Variants in GABRB1 observed in about 807,000 individuals in gnomAD.
GABRB1 encodes the protein gamma-aminobutyric acid receptor subunit beta-1.
A neutral mutation model predicts 51.6 loss-of-function variants in GABRB1; 17 were observed. The ratio of observed to expected loss-of-function variants is 0.33; its 90% CI spans 0.23 to 0.49. The LOEUF (loss-of-function observed/expected upper bound fraction) is 0.49, where lower values mean the gene tolerates loss of function less well. Ranked by LOEUF, GABRB1 falls within the 20% of genes least tolerant of loss-of-function variation. GABRB1 has a pLI of 0.99. For synonymous variants in GABRB1, 247 were observed against 218.9 expected (o/e 1.13, Z -1.14); for missense variants, 410 against 600.6 (o/e 0.68, Z 3.32).
chr4:47,026,188 G>A (rs192485289), intron 1 of GABRB1, among the ~76,000 whole-genome samples: 3 of 151,982 alleles, frequency 2.0e-5, no homozygotes, highest in Admixed American at 2.0e-4. Flanking sequence ...TCCTTTTCAC[G>A]TTTCTAGCAT....
intron 8 of GABRB1, among the ~76,000 whole-genome samples, 163 bp from the exon 9 acceptor site, chr4:47,425,511 T>TAGAC (rs1190685376): frequency 9.9e-5 from 15 of 151,206 alleles, no homozygotes; most frequent in South Asian, 4.2e-4. Context: ...GATAGATAGA[T>TAGAC]AGATAGATCG....
intron 4 of GABRB1, among the ~76,000 whole-genome samples, chr4:47,292,789 G>A (rs763448767): frequency 2.6e-5 from 4 of 152,218 alleles, no homozygotes; most frequent in African/African-American, 4.8e-5. Context: ...ACAGGTAAAG[G>A]TGAAAGGACA....
chr4:47,069,939 G>A (rs1727248448), intron 3 of GABRB1, among the ~76,000 whole-genome samples: 1 of 151,860 alleles, frequency 6.6e-6, no homozygotes, highest in African/African-American at 2.4e-5. Flanking sequence ...GATCAATAAA[G>A]ACCCCCATGT....
intron 3 of GABRB1, among the ~76,000 whole-genome samples, chr4:47,100,805 A>G (rs1363279762): frequency 6.6e-6 from 1 of 152,018 alleles, no homozygotes; most frequent in Non-Finnish European, 1.5e-5. Flanking sequence ...TATGAGTATC[A>G]AAGAAGGAAC....
chr4:47,316,682 G>C (rs1309879951), intron 4 of GABRB1, among the ~76,000 whole-genome samples: 1 of 151,842 alleles, frequency 6.6e-6, no homozygotes, highest in Non-Finnish European at 1.5e-5. Context: ...ACAATTTATG[G>C]GTGTTCCTAA....
intron 4 of GABRB1, among the ~76,000 whole-genome samples, chr4:47,299,578 AGT>A (rs1724162077): frequency 6.6e-6 from 1 of 152,314 alleles, no homozygotes; most frequent in South Asian, 2.1e-4. Flanking sequence ...ATCATTCAAA[AGT>A]CAGGAAACAA....
In GABRB1 at chr4:47,168,214, GT is replaced by G. The variant is rs535715378; in HGVS notation, c.461+6746del. ...TTAATGCTCACCTATATTGTCGTAT[GT>G]CATCTTTACTGCAACACTATGAGCT... On this transcript the variant is annotated intron_variant, in intron 4 of 8. Transcript: ENST00000295454. Among the ~76,000 whole-genome samples the G allele has an allele frequency of 5.3e-4, 81 of 152,226 alleles. No homozygotes were observed. In the Middle Eastern group the frequency reaches 0.01, roughly 19 times the overall value.
At chr4:47,017,355 G>A (rs1162258861) in intron 1 of GABRB1, among the ~76,000 whole-genome samples, 1 of 152,104 alleles carries the variant, frequency 6.6e-6, no homozygotes, top group Non-Finnish European at 1.5e-5. Context: ...GCTGATGGTC[G>A]CATTACTCAC....
intron 5 of GABRB1, among the ~76,000 whole-genome samples, chr4:47,377,854 G>A (rs1247403828): frequency 6.6e-6 from 1 of 152,166 alleles, no homozygotes; most frequent in Non-Finnish European, 1.5e-5. Flanking sequence ...TAGACACAGG[G>A]TGCTGATTGG....
intron 5 of GABRB1, among the ~76,000 whole-genome samples, chr4:47,393,854 C>T (rs532379852): frequency 3.9e-5 from 6 of 152,326 alleles, no homozygotes; most frequent in Admixed American, 1.3e-4. Context: ...CACTGCATAT[C>T]CTTCATGCCT....
chr4:47,341,073 C>G (rs544489021), intron 5 of GABRB1, among the ~76,000 whole-genome samples: 1 of 152,228 alleles, frequency 6.6e-6, no homozygotes, highest in East Asian at 1.9e-4. Context: ...GTGCAGTGAA[C>G]AAAACAGAGA....
chr4:47,247,837 A>G (rs1721825889), intron 4 of GABRB1, among the ~76,000 whole-genome samples: 1 of 152,086 alleles, frequency 6.6e-6, no homozygotes, highest in Admixed American at 6.6e-5. Context: ...GTTGGTGTAT[A>G]GAAGAGCTAC....
At chr4:47,091,468 A>G (rs1264895140) in intron 3 of GABRB1, among the ~76,000 whole-genome samples, 3 of 152,176 alleles carry the variant, frequency 2.0e-5, no homozygotes, top group Admixed American at 2.0e-4. Context: ...GCCCATTTAA[A>G]AACGCTCACT....
At chr4:47,357,093 A>G (rs1726611636) in intron 5 of GABRB1, among the ~76,000 whole-genome samples, 1 of 152,182 alleles carries the variant, frequency 6.6e-6, no homozygotes, top group Non-Finnish European at 1.5e-5. Flanking sequence ...ATGTTTTTCA[A>G]TACCTTTCTT....
chr4:47,158,726 G>A (rs1717808807), intron 3 of GABRB1, among the ~76,000 whole-genome samples: 1 of 151,944 alleles, frequency 6.6e-6, no homozygotes, highest in African/African-American at 2.4e-5. Context: ...ATTCATTACA[G>A]ACAATTGTTT....
At chr4:47,163,970 G>C (rs1436226896) in intron 4 of GABRB1, among the ~76,000 whole-genome samples, 1 of 152,014 alleles carries the variant, frequency 6.6e-6, no homozygotes, top group South Asian at 2.1e-4. Context: ...GAGGTGTCAG[G>C]AAACTTAACA....
intron 4 of GABRB1, among the ~76,000 whole-genome samples, chr4:47,181,645 T>C (rs781465894): frequency 7.2e-5 from 11 of 152,042 alleles, no homozygotes; most frequent in Non-Finnish European, 1.2e-4. Context: ...AGGGCAATAA[T>C]GAGAAATAAT....
chr4:47,061,328 T>C (rs1354724439), intron 3 of GABRB1, among the ~76,000 whole-genome samples: 1 of 152,214 alleles, frequency 6.6e-6, no homozygotes, highest in African/African-American at 2.4e-5. Flanking sequence ...TGGAAAGAAT[T>C]AAAAGCTTTG....
intron 4 of GABRB1, among the ~76,000 whole-genome samples, chr4:47,207,008 C>A (rs1386496616): frequency 1.3e-5 from 2 of 151,844 alleles, no homozygotes; most frequent in Admixed American, 1.3e-4. Context: ...TGTTAATTGA[C>A]TTTTCATCTT....
Sources: gnomAD v4.1 joint callset for allele counts (sites outside exome capture counted in the v4.1 genomes callset) on GRCh38, gnomAD v4.1.1 for gene constraint, MANE v1.5 for transcripts, NCBI Gene and HGNC (gene_info 2026-07-23, HGNC 2026-07-21) for gene names.